Variants in MTCL3 observed in about 807,000 individuals in gnomAD.
MTCL3 encodes the protein microtubule cross-linking factor 3.
chr6:127,483,430 T>C, the MTCL3 span, among the ~76,000 whole-genome samples: 3 of 152,214 alleles, frequency 2.0e-5, no homozygotes, highest in Non-Finnish European at 4.4e-5. Context: ...TCGGAAGCAC[T>C]TCATTCTCCC....
the MTCL3 span, among the ~76,000 whole-genome samples, chr6:127,500,822 T>C: frequency 1.3e-5 from 2 of 152,170 alleles, no homozygotes; most frequent in Non-Finnish European, 2.9e-5. Flanking sequence ...TGAAAGAATT[T>C]TTTTTTTTGA....
the MTCL3 span, among the ~76,000 whole-genome samples, chr6:127,511,004 C>A: frequency 6.6e-6 from 1 of 152,168 alleles, no homozygotes; most frequent in African/African-American, 2.4e-5. Context: ...GGGAGAATAG[C>A]TTGAGCCCAG....
chr6:127,516,203 T>G, the MTCL3 span: 1 of 1,432,872 alleles, frequency 7.0e-7, no homozygotes, highest in Non-Finnish European at 9.1e-7. Context: ...CCGGGCCTCC[T>G]GCCGCCCAAA....
chr6:127,478,443 A>G, the MTCL3 span, among the ~76,000 whole-genome samples: 37 of 152,346 alleles, frequency 2.4e-4, no homozygotes, highest in African/African-American at 8.9e-4. Context: ...CATTAACTAA[A>G]TTGAAAAGTA....
At chr6:127,505,573 G>A in the MTCL3 span, among the ~76,000 whole-genome samples, 2 of 152,160 alleles carry the variant, frequency 1.3e-5, no homozygotes, top group East Asian at 3.9e-4. Flanking sequence ...TAGGCAATAG[G>A]CTTAATACCT....
At chr6:127,490,532 G>A in the MTCL3 span, among the ~76,000 whole-genome samples, 23 of 151,900 alleles carry the variant, frequency 1.5e-4, no homozygotes, top group African/African-American at 5.3e-4. Context: ...GAATATTCAT[G>A]ATTGGGCCAG....
At chr6:127,515,633 C>G in the MTCL3 span, 1 of 1,421,108 alleles carries the variant, frequency 7.0e-7, no homozygotes, top group Non-Finnish European at 9.2e-7. The surrounding 1 kb of genome is among the most constrained non-coding windows in gnomAD (Gnocchi z 4.3). Context: ...ATGCCCCCGC[C>G]GCTCGCGCTG....
the MTCL3 span, among the ~76,000 whole-genome samples, chr6:127,482,072 A>G: frequency 1.3e-5 from 2 of 152,216 alleles, no homozygotes; most frequent in Non-Finnish European, 2.9e-5. This position sits in a 1 kb window ranked among gnomAD's most constrained non-coding sequence, Gnocchi z 4.1. Flanking sequence ...CTTGTTTAGC[A>G]TATCAAGAAA....
At chr6:127,492,396 C>T in the MTCL3 span, among the ~76,000 whole-genome samples, 5 of 148,864 alleles carry the variant, frequency 3.4e-5, no homozygotes, top group South Asian at 2.1e-4. Context: ...TCCATAAAAG[C>T]GAAAAAAAAA....
the MTCL3 span, chr6:127,515,724 A>C: frequency 1.3e-6 from 2 of 1,591,524 alleles, no homozygotes; most frequent in East Asian, 2.3e-5. This position sits in a 1 kb window ranked among gnomAD's most constrained non-coding sequence, Gnocchi z 4.3. Flanking sequence ...CGCAAACGGC[A>C]GGGGGGCCAG....
chr6:127,499,501 G>T, the MTCL3 span, among the ~76,000 whole-genome samples: 1 of 152,098 alleles, frequency 6.6e-6, no homozygotes, highest in Non-Finnish European at 1.5e-5. Flanking sequence ...ATGCTAAGAA[G>T]AAAAAATAGA....
the MTCL3 span, among the ~76,000 whole-genome samples, chr6:127,499,303 C>G: frequency 0.047 from 7,131 of 152,152 alleles, 573 homozygotes; most frequent in African/African-American, 0.16. Flanking sequence ...TAAGAAAACT[C>G]AAAAAGGTCT....
chr6:127,505,241 T>C, the MTCL3 span, among the ~76,000 whole-genome samples: 1 of 152,210 alleles, frequency 6.6e-6, no homozygotes, highest in Non-Finnish European at 1.5e-5. Context: ...TGGGTCTTAC[T>C]TCCTGTGTTA....
At chr6:127,491,155 A>C in the MTCL3 span, among the ~76,000 whole-genome samples, 1 of 152,368 alleles carries the variant, frequency 6.6e-6, no homozygotes, top group East Asian at 1.9e-4. Context: ...CAAAAAGTTT[A>C]GAATATTCCA....
chr6:127,500,337 T>A, the MTCL3 span, among the ~76,000 whole-genome samples: 1 of 152,174 alleles, frequency 6.6e-6, no homozygotes, highest in Admixed American at 6.5e-5. Context: ...GCCATTCCTG[T>A]GTGAAATCAA....
chr6:127,513,046 C>A, the MTCL3 span: 3 of 1,607,548 alleles, frequency 1.9e-6, no homozygotes, highest in Non-Finnish European at 2.5e-6. Flanking sequence ...ACATCCTTTG[C>A]AACCTGAATT....
the MTCL3 span, among the ~76,000 whole-genome samples, chr6:127,483,742 C>A: frequency 1.3e-5 from 2 of 152,196 alleles, no homozygotes; most frequent in Non-Finnish European, 2.9e-5. Context: ...GTAATATGAT[C>A]TCTGGTGCTC....
chr6:127,501,230 G>A, the MTCL3 span, among the ~76,000 whole-genome samples: 2 of 152,174 alleles, frequency 1.3e-5, no homozygotes, highest in Non-Finnish European at 2.9e-5. Flanking sequence ...CTTTCAGAAC[G>A]ACTCTAGAAC....
At chr6:127,487,980 G>T in the MTCL3 span, among the ~76,000 whole-genome samples, 3 of 152,156 alleles carry the variant, frequency 2.0e-5, no homozygotes, top group African/African-American at 7.2e-5. Context: ...AGAATGTGTA[G>T]CTGGTTCTGT....
Sources: allele counts gnomAD v4.1 joint callset (sites outside exome capture counted in the v4.1 genomes callset), GRCh38; gene constraint gnomAD v4.1.1; non-coding constraint Gnocchi (gnomAD v3.1); transcripts MANE v1.5; gene names NCBI Gene and HGNC (gene_info 2026-07-23, HGNC 2026-07-21).